DNAH7: variants seen among roughly 807,000 people sequenced by gnomAD.
DNAH7 encodes the protein dynein axonemal heavy chain 7.
Under a neutral mutation model 444.6 loss-of-function variants are expected in DNAH7, and 397 were observed. The ratio of observed to expected loss-of-function variants is 0.89; its 90% CI spans 0.82 to 0.97. The LOEUF is 0.97. Among genes scored for constraint, DNAH7 ranks in the 50% least tolerant of loss-of-function variants. DNAH7 has a pLI of 0.00. For synonymous variants in DNAH7, 1,636 were observed against 1,624.4 expected, an observed-to-expected ratio of 1.01 and a Z score of -0.17; for missense variants, 4,902 against 4,800.8, an observed-to-expected ratio of 1.02 and a Z score of -0.62.
intron 61 of DNAH7, among the ~76,000 whole-genome samples, chr2:195,761,663 T>A (rs1574390645): frequency 6.6e-6 from 1 of 152,136 alleles, no homozygotes; most frequent in African/African-American, 2.4e-5. Flanking sequence ...TTACAGGCCA[T>A]GAGAAAGTGG....
In DNAH7 at chr2:195,910,221, T is replaced by C. The variant is rs1353063077; in HGVS notation, c.3936-26A>G. On this transcript the variant is annotated intron_variant, in intron 24 of 64. Coordinates refer to ENST00000312428, the MANE Select transcript of DNAH7 (RefSeq NM_018897.3). ...CTGAAACATATGAAATAGACATTCT[T>C]TGTAGAATAATGTGATTTTTTTTCC... 17 of 1,515,358 alleles carry C rather than the reference T, an allele frequency of 1.1e-5. No individual in the cohort carries two copies. In the Admixed American group the frequency reaches 3.7e-4, roughly 33 times the overall value. 93.9% of individuals were successfully genotyped at this position (1,515,358 alleles called of 1,614,324 possible). A position where few individuals can be genotyped will look rare whatever the true frequency, so the allele number is the denominator to read the frequency against.
At chr2:196,017,333 A>G (rs1239414284) in intron 9 of DNAH7, among the ~76,000 whole-genome samples, 1 of 152,142 alleles carries the variant, frequency 6.6e-6, no homozygotes, top group Non-Finnish European at 1.5e-5. Context: ...TCTTAATTTA[A>G]TTACACATGT....
intron 12 of DNAH7, among the ~76,000 whole-genome samples, chr2:195,999,532 C>T (rs1487577082): frequency 1.3e-5 from 2 of 152,038 alleles, no homozygotes; most frequent in African/African-American, 4.8e-5. Context: ...AAATATACCA[C>T]CAGGAGCAGG....
rs1288373935 is a variant in DNAH7 at position 196,026,915 on chromosome 2, C to T, written c.512G>A (p.Gly171Glu). ...TGGGGCTACATGGTCTGTATCAATT[C>T]CATGGTGAATATAATAGTAATATCT... is the stretch of plus-strand genomic sequence containing the variant. ...ILRYYYYIHHGIDTDHVAPME... is the reference protein window; with the variant it reads ...ILRYYYYIHHEIDTDHVAPME... The change falls in exon 7 of 65, where the codon GGA becomes GAA. Residue 171 changes from glycine to glutamate, a missense_variant. By Grantham distance (98) the Gly-to-Glu change is moderately conservative (BLOSUM62 -2). Coordinates refer to ENST00000312428, the MANE Select transcript of DNAH7 (RefSeq NM_018897.3). 6.2e-7 allele frequency: 1 copy of T among 1,609,358 alleles called. No individual in the cohort carries two copies. The highest frequency in any genetic ancestry group is 2.2e-5 in the East Asian group (1 of 44,668).
Position 195,857,641 on chromosome 2 carries a change from ATTCCT to A in DNAH7, c.8145_8149del (p.Lys2715AsnfsTer4), listed in dbSNP as rs1352368563. Reference sequence around the variant, plus strand: ...TGGGTCAGGGATTTTGTCAGCTTTGATTCCTTTCAAGATGCATATAGCTTCCATAA... The same window carrying A: ...TGGGTCAGGGATTTTGTCAGCTTTGATTCAAGATGCATATAGCTTCCATAA... On this transcript the variant is annotated frameshift_variant, in exon 44 of 65. Transcript: ENST00000312428. LOFTEE classifies it high-confidence loss of function. 1.2e-6 allele frequency: 2 copies of A among 1,613,864 alleles called. No homozygotes were observed. The highest frequency in any genetic ancestry group is 2.2e-5 in the East Asian group (1 of 44,860).
chr2:195,940,278 A>C (rs1574832654), intron 19 of DNAH7, among the ~76,000 whole-genome samples: 1 of 152,042 alleles, frequency 6.6e-6, no homozygotes, highest in African/African-American at 2.4e-5. Flanking sequence ...TGGGAAAAAA[A>C]TCCCTATTTA....
intron 36 of DNAH7, among the ~76,000 whole-genome samples, chr2:195,879,717 G>A (rs1559177151): frequency 6.6e-6 from 1 of 152,026 alleles, no homozygotes; most frequent in Non-Finnish European, 1.5e-5. Flanking sequence ...CAAATTATAT[G>A]TGTTGATTAA....
At chr2:196,025,842 C>T (rs1695651674) in intron 7 of DNAH7, among the ~76,000 whole-genome samples, 1 of 152,072 alleles carries the variant, frequency 6.6e-6, no homozygotes, top group African/African-American at 2.4e-5. Flanking sequence ...TAAGGGTCCC[C>T]ACATTACTCC....
Position 196,004,596 on chromosome 2 carries a change from G to T in DNAH7, c.990-2738C>A, listed in dbSNP as rs559919466. On this transcript the variant is annotated intron_variant, in intron 10 of 64. Transcript: ENST00000312428. ...GAAAACACCACATAGCATAACTCAG[G>T]GAATGCAGCAAAATCAGTGATTAGA... Among the ~76,000 whole-genome samples the T allele has an allele frequency of 1.2e-4, 18 of 152,166 alleles. No homozygotes were observed. In the East Asian group the frequency reaches 3.3e-3, roughly 28 times the overall value.
chr2:196,059,254 C>G (rs1346439640), intron 1 of DNAH7, among the ~76,000 whole-genome samples: 3 of 152,132 alleles, frequency 2.0e-5, no homozygotes, highest in Non-Finnish European at 4.4e-5. Context: ...ACATTTGAAC[C>G]TCTTAGCAGT....
chr2:195,925,319 G>T (rs771230625), intron 22 of DNAH7, among the ~76,000 whole-genome samples: 1 of 152,120 alleles, frequency 6.6e-6, no homozygotes, highest in African/African-American at 2.4e-5. Context: ...GTCCCCTGGC[G>T]GGCCACCTTG....
chr2:195,943,487 C>T (rs1326939908), intron 19 of DNAH7, among the ~76,000 whole-genome samples: 1 of 152,114 alleles, frequency 6.6e-6, no homozygotes, highest in Non-Finnish European at 1.5e-5. Context: ...TCATTTCGTG[C>T]AGACACAACA....
Position 195,987,101 on chromosome 2 carries a change from A to G in DNAH7, c.1719T>C (p.Ala573=). Residue 573 remains alanine, a synonymous_variant, in exon 14 of 65, where the codon GCT becomes GCC. Transcript: ENST00000312428. ...RADIICGKLL[A]KMFRDHQEVN... ...CTTCCTGATGATCTCTGAACATTTT[A>G]GCTAGAAGTTTCCCACAAATAATAT... 1 of 1,608,346 alleles carries G rather than the reference A, an allele frequency of 6.2e-7. No homozygotes were observed. Among genetic ancestry groups the G allele is most frequent in the South Asian group, 1.1e-5 (1 of 89,456 alleles).
At chr2:195,839,295 CA>C (rs1372543702) in intron 47 of DNAH7, among the ~76,000 whole-genome samples, 1 of 150,444 alleles carries the variant, frequency 6.6e-6, no homozygotes, top group Non-Finnish European at 1.5e-5. Flanking sequence ...GAGGAAATTT[CA>C]AAAAAAATTA....
In DNAH7 at chr2:195,881,950, C is replaced by A. The variant is rs778081911; in HGVS notation, c.5806G>T (p.Ala1936Ser). The change falls in exon 36 of 65, where the codon GCT (alanine) becomes TCT (serine). Residue 1936 changes from alanine (A) to serine (S), a missense_variant. Transcript: ENST00000312428. The stretch of plus-strand genomic sequence containing the variant: ...ATTACATCTTTAGGAATTGGAGGAG[C>A]TTCTTTCAATTTCTTTATCCATGGT... Reference protein sequence around the residue: ...WEPWIKKLKEAPPIPKDVMFN... With the variant: ...WEPWIKKLKESPPIPKDVMFN... The A allele has an allele frequency of 2.5e-6, 4 of 1,613,832 alleles. No homozygotes were observed. Among genetic ancestry groups the A allele is most frequent in the Non-Finnish European group, 3.4e-6 (4 of 1,179,860 alleles).
At chr2:195,850,882 G>T (rs952651524) in intron 46 of DNAH7, among the ~76,000 whole-genome samples, 5 of 152,176 alleles carry the variant, frequency 3.3e-5, no homozygotes, top group African/African-American at 1.2e-4. Flanking sequence ...AGATGCCACA[G>T]GGAGCCTCCA....
At chr2:195,858,348 A>C (rs1344134958) in intron 43 of DNAH7, 126 bp downstream of exon 43, 1 of 835,450 alleles carries the variant, frequency 1.2e-6, no homozygotes, top group African/African-American at 1.7e-5. Flanking sequence ...CCAATTTCAA[A>C]ATGATTTCAG....
Position 196,047,479 on chromosome 2 carries a change from C to A in DNAH7, c.271G>T (p.Gly91Ter). The change falls in exon 5 of 65, where the codon GGA (glycine) becomes TGA (stop). Residue 91 changes from glycine to a stop codon, truncating the protein, a stop_gained. Transcript: ENST00000312428. LOFTEE classifies it high-confidence loss of function. ...QSHAEYMERF[G>*]KKGKLPHQVD... ...TGGTGGGGTAATTTGCCCTTTTTTC[C>A]AAAACGTTCCATGTATTCAGCTTAA... 6.3e-7 allele frequency: 1 copy of A among 1,588,240 alleles called. No homozygotes were observed. Among genetic ancestry groups the A allele is most frequent in the Non-Finnish European group, 8.6e-7 (1 of 1,165,972 alleles).
intron 34 of DNAH7, among the ~76,000 whole-genome samples, chr2:195,885,825 A>G (rs762163343): frequency 4.6e-5 from 7 of 152,204 alleles, no homozygotes; most frequent in Non-Finnish European, 7.3e-5. Context: ...GGTAAATCTC[A>G]TTGCCAAAAT....
Sources: gnomAD v4.1 joint callset for allele counts (sites outside exome capture counted in the v4.1 genomes callset) on GRCh38, gnomAD v4.1.1 for gene constraint, MANE v1.5 for transcripts, NCBI Gene and HGNC (gene_info 2026-07-23, HGNC 2026-07-21) for gene names.